SHISA9: variants seen among roughly 807,000 people sequenced by gnomAD.
SHISA9 encodes the protein protein shisa-9.
SHISA9 carries 13 observed loss-of-function variants against 38.0 expected under a neutral mutation model. That is an observed-to-expected ratio of 0.34 (90% CI 0.22 to 0.54). The LOEUF (loss-of-function observed/expected upper bound fraction) is 0.54. Among genes scored for constraint, SHISA9 ranks in the 20% least tolerant of loss-of-function variants. The pLI is 0.91. For missense variants in SHISA9, 538 were observed against 575.8 expected (o/e 0.93, Z 0.67); for synonymous variants, 275 against 242.0 (o/e 1.14, Z -1.27).
At chr16:13,108,255 A>G (rs921630525) in intron 2 of SHISA9, among the ~76,000 whole-genome samples, 34 of 152,040 alleles carry the variant, frequency 2.2e-4, no homozygotes, top group Admixed American at 9.2e-4. Context: ...CACCTTTTCG[A>G]GTAGCTGAGA....
chr16:13,385,978 T>C, the SHISA9 span, among the ~76,000 whole-genome samples: 2 of 152,174 alleles, frequency 1.3e-5, no homozygotes, highest in African/African-American at 2.4e-5. Context: ...GGATTAAGGA[T>C]AGGGACAGGG....
intron 2 of SHISA9, among the ~76,000 whole-genome samples, chr16:13,069,292 T>C (rs2073479663): frequency 6.6e-6 from 1 of 151,994 alleles, no homozygotes; most frequent in Non-Finnish European, 1.5e-5. Context: ...ACCTGCAATG[T>C]ATGCGTGTGT....
intron 2 of SHISA9, among the ~76,000 whole-genome samples, chr16:13,022,700 C>G (rs1361380377): frequency 6.6e-6 from 1 of 152,142 alleles, no homozygotes; most frequent in African/African-American, 2.4e-5. Flanking sequence ...CTCCTGGGCT[C>G]AAGTGATCAT....
intron 1 of SHISA9, among the ~76,000 whole-genome samples, chr16:12,903,365 C>G (rs2071047647): frequency 6.6e-6 from 1 of 152,182 alleles, no homozygotes. Flanking sequence ...GGGCCCGAGC[C>G]CCCTCCTCGC....
the SHISA9 span, among the ~76,000 whole-genome samples, chr16:13,444,177 C>G: frequency 6.6e-6 from 1 of 152,172 alleles, no homozygotes; most frequent in Non-Finnish European, 1.5e-5. Flanking sequence ...TCAAGACCAG[C>G]CTGGGCAATA....
chr16:13,385,787 G>C, the SHISA9 span, among the ~76,000 whole-genome samples: 1 of 151,938 alleles, frequency 6.6e-6, no homozygotes, highest in East Asian at 1.9e-4. Flanking sequence ...ACAAACTGTG[G>C]TATATCCATA....
the SHISA9 span, among the ~76,000 whole-genome samples, chr16:13,327,411 T>A: frequency 1.3e-5 from 2 of 151,942 alleles, no homozygotes; most frequent in Non-Finnish European, 2.9e-5. Flanking sequence ...AGGTCAAGAG[T>A]TCGAGACCAG....
chr16:13,396,283 GA>G, the SHISA9 span, among the ~76,000 whole-genome samples: 2 of 152,202 alleles, frequency 1.3e-5, no homozygotes, highest in Non-Finnish European at 2.9e-5. Flanking sequence ...GAGGCCGGCG[GA>G]TCACTTGAGG....
At chr16:13,304,335 C>T in the SHISA9 span, among the ~76,000 whole-genome samples, 1 of 152,216 alleles carries the variant, frequency 6.6e-6, no homozygotes, top group African/African-American at 2.4e-5. Context: ...CACGGCTCAC[C>T]GTGGCCTCAA....
At chr16:13,536,770 G>T in the SHISA9 span, among the ~76,000 whole-genome samples, 1 of 152,214 alleles carries the variant, frequency 6.6e-6, no homozygotes, top group East Asian at 1.9e-4. Flanking sequence ...CAGGGTGTGG[G>T]GGTGGAAATA....
At chr16:13,453,893 T>G in the SHISA9 span, among the ~76,000 whole-genome samples, 14 of 152,194 alleles carry the variant, frequency 9.2e-5, no homozygotes, top group Non-Finnish European at 4.4e-5. Flanking sequence ...GAACATGAAT[T>G]CTTTCCAGTA....
rs892130847 is a variant in SHISA9 at position 13,240,289 on chromosome 16, G to A, written c.*4880G>A. ...TCAACAACTGCAGAGTTTATGATAC[G>A]AATAATTCTTCCTACAATGAAGAAA... On this transcript the variant is annotated 3_prime_UTR_variant, in exon 5 of 5. Coordinates refer to ENST00000558583, the MANE Select transcript of SHISA9 (RefSeq NM_001145204.3). 3 of 152,130 alleles carry A rather than the reference G, an allele frequency of 2.0e-5. No individual in the cohort carries two copies. The highest frequency in any genetic ancestry group is 2.9e-5 in the Non-Finnish European group (2 of 68,028). 9.4% of individuals were successfully genotyped at this position (152,130 alleles called of 1,614,324 possible). A position where few individuals can be genotyped will look rare whatever the true frequency, so the allele number is the denominator to read the frequency against.
chr16:13,335,027 C>T, the SHISA9 span, among the ~76,000 whole-genome samples: 1 of 152,294 alleles, frequency 6.6e-6, no homozygotes, highest in Admixed American at 6.5e-5. Context: ...TTCCTTCCTC[C>T]TGTGAATTGT....
chr16:13,137,614 C>T (rs2050361699), intron 2 of SHISA9, among the ~76,000 whole-genome samples: 1 of 151,982 alleles, frequency 6.6e-6, no homozygotes, highest in African/African-American at 2.4e-5. Context: ...TGCCACCACG[C>T]CCAGCTAATT....
intron 2 of SHISA9, among the ~76,000 whole-genome samples, chr16:13,060,322 C>A (rs764374072): frequency 2.6e-5 from 4 of 152,136 alleles, no homozygotes; most frequent in Non-Finnish European, 4.4e-5. Flanking sequence ...AGAATGCATG[C>A]CTGCCTTTGG....
chr16:13,225,852 A>G (rs2051274117), intron 4 of SHISA9, among the ~76,000 whole-genome samples: 2 of 152,204 alleles, frequency 1.3e-5, no homozygotes, highest in Admixed American at 1.3e-4. Context: ...GTTTAATTTT[A>G]CAGCCCCAGT....
intron 2 of SHISA9, among the ~76,000 whole-genome samples, chr16:13,077,015 C>T (rs779167360): frequency 8.5e-5 from 13 of 152,164 alleles, no homozygotes; most frequent in African/African-American, 9.7e-5. Context: ...CAAAATCCCA[C>T]GGAGGCTGGA....
chr16:13,314,528 C>T, the SHISA9 span, among the ~76,000 whole-genome samples: 1 of 152,122 alleles, frequency 6.6e-6, no homozygotes. Context: ...TCATGAACCA[C>T]CACGCCCAGC....
At chr16:13,505,042 G>A in the SHISA9 span, among the ~76,000 whole-genome samples, 1 of 152,212 alleles carries the variant, frequency 6.6e-6, no homozygotes, top group African/African-American at 2.4e-5. Flanking sequence ...GCTGCTCGGT[G>A]TGGTTTGAAT....
Sources: gnomAD v4.1 joint callset for allele counts (sites outside exome capture counted in the v4.1 genomes callset) on GRCh38, gnomAD v4.1.1 for gene constraint, MANE v1.5 for transcripts, NCBI Gene and HGNC (gene_info 2026-07-23, HGNC 2026-07-21) for gene names.